DGKB: variants seen among roughly 807,000 people sequenced by gnomAD.
DGKB encodes diacylglycerol kinase beta.
A neutral mutation model predicts 114.3 loss-of-function variants in DGKB; 67 were observed. The observed-to-expected ratio is 0.59, with a 90% CI of 0.48 to 0.72. The LOEUF (loss-of-function observed/expected upper bound fraction) is 0.72. Ranked by LOEUF, DGKB falls within the 30% of genes least tolerant of loss-of-function variation. The pLI is 0.00. For missense variants in DGKB, 907 were observed against 975.2 expected (o/e 0.93, Z 0.93); for synonymous variants, 398 against 323.1 (o/e 1.23, Z -2.49).
chr7:14,151,090 T>C (rs1469465814), intron 25 of DGKB, among the ~76,000 whole-genome samples: 1 of 152,104 alleles, frequency 6.6e-6, no homozygotes, highest in Non-Finnish European at 1.5e-5. Flanking sequence ...CGCACAAATG[T>C]CATTTTTAAA....
At chr7:14,584,100 T>C (rs1358215169) in intron 17 of DGKB, among the ~76,000 whole-genome samples, 8 of 152,336 alleles carry the variant, frequency 5.3e-5, no homozygotes, top group Admixed American at 2.6e-4. Context: ...TGTGTGGTTT[T>C]ATTTTAACTT....
chr7:14,536,988 A>G (rs1036338136), intron 20 of DGKB, among the ~76,000 whole-genome samples: 1 of 152,204 alleles, frequency 6.6e-6, no homozygotes, highest in Non-Finnish European at 1.5e-5. Flanking sequence ...TAGGTAGTAA[A>G]CACAGAAAAA....
At chr7:14,510,071 G>T (rs1787761190) in intron 20 of DGKB, among the ~76,000 whole-genome samples, 1 of 152,160 alleles carries the variant, frequency 6.6e-6, no homozygotes, top group South Asian at 2.1e-4. Context: ...AGCTACTCGG[G>T]AGGCTGAGGC....
At chr7:14,219,651 G>A (rs1256524549) in intron 23 of DGKB, among the ~76,000 whole-genome samples, 1 of 151,658 alleles carries the variant, frequency 6.6e-6, no homozygotes, top group African/African-American at 2.4e-5. Flanking sequence ...TTGTTATTGA[G>A]TTGTATCATT....
intron 1 of DGKB, among the ~76,000 whole-genome samples, chr7:14,865,666 A>G (rs2128187546): frequency 6.6e-6 from 1 of 152,344 alleles, no homozygotes; most frequent in East Asian, 1.9e-4. Flanking sequence ...TATTCAAGCC[A>G]TCATATACAG....
chr7:14,873,245 T>A (rs1467511915), intron 1 of DGKB, among the ~76,000 whole-genome samples: 1 of 152,124 alleles, frequency 6.6e-6, no homozygotes, highest in Admixed American at 6.5e-5. Flanking sequence ...AGCATCCCTT[T>A]CTATTACACT....
intron 13 of DGKB, among the ~76,000 whole-genome samples, chr7:14,670,494 G>C (rs1010922232): frequency 6.6e-6 from 1 of 151,850 alleles, no homozygotes; most frequent in African/African-American, 2.4e-5. Context: ...AGTTGAGATG[G>C]GGTTTCACCA....
chr7:14,368,745 T>C (rs1817129748), intron 21 of DGKB, among the ~76,000 whole-genome samples: 1 of 152,086 alleles, frequency 6.6e-6, no homozygotes, highest in African/African-American at 2.4e-5. Context: ...TGTTAGTTTT[T>C]ACTCAATGAG....
intron 5 of DGKB, among the ~76,000 whole-genome samples, chr7:14,729,298 A>ATT (rs11384306): frequency 6.7e-6 from 1 of 148,930 alleles, no homozygotes; most frequent in Admixed American, 6.7e-5. Context: ...AATTTTTTGT[A>ATT]TTTTTAGTAG....
chr7:14,242,418 C>G lies in DGKB; in HGVS notation c.2123-64267G>C, dbSNP rs1308278666. Among the ~76,000 whole-genome samples, 4 of 152,148 alleles carry G rather than the reference C, an allele frequency of 2.6e-5. No homozygotes were observed. In the East Asian group the frequency reaches 7.7e-4, roughly 29 times the overall value. ...CTCTACTTTGGCTTAGCTTATGTCA[C>G]TCACAGTAAAGGTCACAAATCCTGA... On this transcript the variant is annotated intron_variant, in intron 23 of 25. Transcript: ENST00000402815.
At chr7:14,514,849 T>A (rs1393621516) in intron 20 of DGKB, among the ~76,000 whole-genome samples, 1 of 151,040 alleles carries the variant, frequency 6.6e-6, no homozygotes, top group Non-Finnish European at 1.5e-5. Context: ...AGCCCAGGAG[T>A]TTAAGATCAG....
chr7:14,930,262 A>G (rs938191451), intron 1 of DGKB, among the ~76,000 whole-genome samples: 1 of 152,092 alleles, frequency 6.6e-6, no homozygotes, highest in African/African-American at 2.4e-5. Flanking sequence ...GAAAAATGAA[A>G]TTTGCATTTT....
chr7:14,939,007 A>C, intron 1 of DGKB, among the ~76,000 whole-genome samples: 1 of 152,178 alleles, frequency 6.6e-6, no homozygotes, highest in East Asian at 1.9e-4. Flanking sequence ...AAGGCATTTA[A>C]GTACCAGATT....
At chr7:14,579,675 T>C (rs954545070) in intron 19 of DGKB, among the ~76,000 whole-genome samples, 1 of 152,138 alleles carries the variant, frequency 6.6e-6, no homozygotes, top group Non-Finnish European at 1.5e-5. Flanking sequence ...ATAGACTACA[T>C]ACTAAGCTCT....
At chr7:14,828,627 C>T (rs1032724779) in intron 2 of DGKB, among the ~76,000 whole-genome samples, 1 of 152,006 alleles carries the variant, frequency 6.6e-6, no homozygotes, top group Non-Finnish European at 1.5e-5. Flanking sequence ...TAGAGTTGGA[C>T]AAAATGTCAT....
chr7:14,596,238 A>G (rs1010558299), intron 17 of DGKB, among the ~76,000 whole-genome samples: 1 of 152,192 alleles, frequency 6.6e-6, no homozygotes, highest in African/African-American at 2.4e-5. Context: ...AAAATTGTTT[A>G]TACTGCATTG....
chr7:14,685,429 T>G (rs1301982228), intron 9 of DGKB, 67 bp from the exon 10 acceptor site: 2 of 1,187,370 alleles, frequency 1.7e-6, no homozygotes, highest in Non-Finnish European at 2.5e-6. Flanking sequence ...TAAGTGCCAA[T>G]GAAATTCAGA....
chr7:14,524,705 G>A (rs1193508276), intron 20 of DGKB, among the ~76,000 whole-genome samples: 1 of 149,694 alleles, frequency 6.7e-6, no homozygotes, highest in African/African-American at 2.5e-5. Context: ...GCAGTGAGTG[G>A]AGATCGCACC....
At chr7:14,782,729 G>A (rs1321694282) in intron 2 of DGKB, among the ~76,000 whole-genome samples, 1 of 152,120 alleles carries the variant, frequency 6.6e-6, no homozygotes, top group Non-Finnish European at 1.5e-5. Context: ...AGATGAGAAA[G>A]CCCCATAGAA....
Sources: gnomAD v4.1 joint callset for allele counts (sites outside exome capture counted in the v4.1 genomes callset) on GRCh38, gnomAD v4.1.1 for gene constraint, MANE v1.5 for transcripts, NCBI Gene and HGNC (gene_info 2026-07-23, HGNC 2026-07-21) for gene names.